The following LNX2 variants were observed in gnomAD, a reference collection of about 807,000 sequenced individuals.
LNX2 encodes the protein ligand of Numb protein X 2.
A neutral mutation model predicts 66.2 loss-of-function variants in LNX2; 35 were observed. The observed-to-expected ratio is 0.53, with a 90% CI of 0.40 to 0.70. The LOEUF is 0.70. LNX2 is among the 30% of genes least tolerant of loss of function. LNX2 has a pLI of 0.00. For synonymous variants in LNX2, 337 were observed against 315.6 expected (o/e 1.07, Z -0.72); for missense variants, 791 against 850.8 (o/e 0.93, Z 0.87).
chr13:27,554,889 G>A (rs1410058246), intron 7 of LNX2, among the ~76,000 whole-genome samples: 2 of 152,168 alleles, frequency 1.3e-5, no homozygotes, highest in African/African-American at 4.8e-5. Context: ...CCTTGCCAGT[G>A]TTTGTTATTG....
chr13:27,579,956 A>G (rs1955379890), intron 2 of LNX2, among the ~76,000 whole-genome samples: 1 of 152,218 alleles, frequency 6.6e-6, no homozygotes, highest in Non-Finnish European at 1.5e-5. Flanking sequence ...AAGTCTGTCT[A>G]TCCTACTCTA....
intron 2 of LNX2, among the ~76,000 whole-genome samples, chr13:27,576,229 A>C (rs570838920): frequency 2.0e-5 from 3 of 152,302 alleles, no homozygotes; most frequent in Non-Finnish European, 2.9e-5. Context: ...ATCAACAATA[A>C]AGCTTTTGAT....
chr13:27,590,067 G>A (rs148590567), intron 1 of LNX2, among the ~76,000 whole-genome samples: 13,465 of 151,850 alleles, frequency 0.089, 657 homozygotes, highest in Middle Eastern at 0.11. Context: ...CTCCTGCCTC[G>A]GCCTCCCCAG....
chr13:27,609,154 T>C (rs1042067891), intron 1 of LNX2, among the ~76,000 whole-genome samples: 1 of 64,044 alleles, frequency 1.6e-5, no homozygotes, highest in Non-Finnish European at 3.8e-5. Context: ...AGTGATTTTT[T>C]TTTTCTTTTT....
chr13:27,571,606 T>A (rs1418988744), intron 2 of LNX2, among the ~76,000 whole-genome samples: 1 of 152,186 alleles, frequency 6.6e-6, no homozygotes, highest in Non-Finnish European at 1.5e-5. Context: ...TAAATAGCAC[T>A]GAATTGCACA....
chr13:27,620,798 C>T (rs534322007), upstream of LNX2: 1 of 153,664 alleles, frequency 6.5e-6, no homozygotes, highest in African/African-American at 2.4e-5. Context: ...CCGCCGCCCG[C>T]CTGATTCCCC....
Position 27,567,640 on chromosome 13 carries a change from C to T in LNX2, c.855G>A (p.Gln285=). ...TTAACAGAATAATTAAAACTGATAC[C>T]TGAAGAATCTGGTCTCCAGCAAGAA... ...GRLLAGDQIL[Q]VNNYNISNVS... is the part of the protein sequence containing the mutation. Residue 285 remains glutamine (Q), a splice_region_variant and synonymous_variant, in exon 4 of 10, where the codon CAG becomes CAA. Transcript: ENST00000316334. The T allele has an allele frequency of 6.2e-7, 1 of 1,613,282 alleles. No individual in the cohort carries two copies. The highest frequency in any genetic ancestry group is 2.2e-5 in the East Asian group (1 of 44,876).
At chr13:27,565,497 T>A (rs1436978816) in intron 4 of LNX2, among the ~76,000 whole-genome samples, 1 of 151,886 alleles carries the variant, frequency 6.6e-6, no homozygotes, top group Non-Finnish European at 1.5e-5. Flanking sequence ...GCTGTAAGAG[T>A]CGCTCTCTGC....
intron 1 of LNX2, among the ~76,000 whole-genome samples, chr13:27,611,205 C>T (rs1955768831): frequency 6.6e-6 from 1 of 152,114 alleles, no homozygotes; most frequent in Admixed American, 6.6e-5. Flanking sequence ...AGAAGGAACC[C>T]AAATGTCTAC....
chr13:27,574,458 T>C (rs530120109), intron 2 of LNX2, among the ~76,000 whole-genome samples: 35 of 151,508 alleles, frequency 2.3e-4, no homozygotes, highest in African/African-American at 3.4e-4. Flanking sequence ...AACAGCAGAA[T>C]TGAATCAGAA....
chr13:27,566,252 T>G (rs1955204559), intron 4 of LNX2, among the ~76,000 whole-genome samples: 1 of 152,070 alleles, frequency 6.6e-6, no homozygotes, highest in African/African-American at 2.4e-5. Context: ...AGGATGAAGG[T>G]GAACAAACTG....
chr13:27,564,375 AT>A (rs58906725), intron 4 of LNX2, among the ~76,000 whole-genome samples: 58,978 of 143,324 alleles, frequency 0.41, 11,675 homozygotes, highest in Middle Eastern at 0.51. Flanking sequence ...GTATTTTTTT[AT>A]CAATCAACAG....
At chr13:27,598,028 T>G (rs1056817750) in intron 1 of LNX2, among the ~76,000 whole-genome samples, 1 of 152,110 alleles carries the variant, frequency 6.6e-6, no homozygotes, top group Non-Finnish European at 1.5e-5. Context: ...GTCTTTCAAT[T>G]TACAACAAAT....
intron 4 of LNX2, 41 bp from the exon 5 acceptor site, chr13:27,562,822 A>G: frequency 6.4e-7 from 1 of 1,561,078 alleles, no homozygotes; most frequent in Non-Finnish European, 8.7e-7. Context: ...ACAACCTTTT[A>G]TTTTTCCAAT....
chr13:27,576,562 C>CAA (rs35339735), intron 2 of LNX2, among the ~76,000 whole-genome samples: 3,353 of 141,160 alleles, frequency 0.024, 132 homozygotes, highest in African/African-American at 0.078. Context: ...ACTAAAAGCA[C>CAA]AAAAAAAAAA....
rs1555268473 is a variant in LNX2 at position 27,583,212 on chromosome 13, G to GTCCTCTCCAATATAAC, written c.-100-1410_-100-1409insGTTATATTGGAGAGGA. Among the ~76,000 whole-genome samples, 22 of 22,878 alleles carry GTCCTCTCCAATATAAC rather than the reference G, an allele frequency of 9.6e-4. 3 individuals are homozygous for GTCCTCTCCAATATAAC. Among genetic ancestry groups the GTCCTCTCCAATATAAC allele is most frequent in the African/African-American group, 3.6e-3 (20 of 5,532 alleles). 15.0% of individuals were successfully genotyped at this position (22,878 alleles called of 152,430 possible). A position where few individuals can be genotyped will look rare whatever the true frequency, so the allele number is the denominator to read the frequency against. On this transcript the variant is annotated intron_variant, in intron 1 of 9. Coordinates refer to ENST00000316334, the MANE Select transcript of LNX2 (RefSeq NM_153371.4). ...TGTGTGTGTGTGTGTGTGTGTGTGTGTGTGTGTGTGTGTGTGTGTGTGTGT... is the reference window on the plus strand; with the variant it reads ...TGTGTGTGTGTGTGTGTGTGTGTGTGTCCTCTCCAATATAACTGTGTGTGTGTGTGTGTGTGTGTGT...
rs74446315 is a variant in LNX2, at chr13:27,589,174, C to T, written c.-100-7371G>A. Among the ~76,000 whole-genome samples the T allele has an allele frequency of 3.0e-3, 461 of 152,294 alleles. 3 individuals carry two copies. The highest frequency in any genetic ancestry group is 0.01 in the African/African-American group (423 of 41,578). On this transcript the variant is annotated intron_variant, in intron 1 of 9. Transcript: ENST00000316334. ...AAAAATGGAAAAATGCTTGATTGAG[C>T]CTTGCTATAGGAGTCTGTCTTTCCC...
At chr13:27,583,218 G>T (rs1347280058) in intron 1 of LNX2, among the ~76,000 whole-genome samples, 211 of 18,482 alleles carry the variant, frequency 0.011, 36 homozygotes, top group Non-Finnish European at 0.014. Flanking sequence ...GTGTGTGTGT[G>T]TGTGTGTGTG....
rs758411766 is a variant in LNX2 at position 27,556,209 on chromosome 13, GT to G, written c.1546+26del. The G allele has an allele frequency of 4.4e-6, 7 of 1,598,140 alleles. No individual in the cohort carries two copies. In the South Asian group the frequency reaches 7.8e-5, roughly 18 times the overall value. On this transcript the variant is annotated intron_variant, in intron 7 of 9. Coordinates refer to ENST00000316334, the MANE Select transcript of LNX2 (RefSeq NM_153371.4). ...GCATTTAATTCAGAAATAAGATGTG[GT>G]AAAATTTTTCAAGATCCCATCTTAC...
Sources: gnomAD v4.1 joint callset for allele counts (sites outside exome capture counted in the v4.1 genomes callset) on GRCh38, gnomAD v4.1.1 for gene constraint, MANE v1.5 for transcripts, NCBI Gene and HGNC (gene_info 2026-07-23, HGNC 2026-07-21) for gene names.